Variants in TAF1B observed in about 807,000 individuals in gnomAD.
TAF1B encodes TATA-box binding protein associated factor, RNA polymerase I subunit B.
TAF1B carries 61 observed loss-of-function variants against 83.9 expected under a neutral mutation model. The ratio of observed to expected loss-of-function variants is 0.73; its 90% CI spans 0.59 to 0.90. The LOEUF (loss-of-function observed/expected upper bound fraction) is 0.90, where lower values mean the gene tolerates loss of function less well. Ranked by LOEUF, TAF1B falls within the 40% of genes least tolerant of loss-of-function variation. The pLI, the probability that TAF1B is intolerant of heterozygous loss-of-function variation, is 0.00. For missense variants in TAF1B, 625 were observed against 677.0 expected, an observed-to-expected ratio of 0.92 and a Z score of 0.85; for synonymous variants, 221 against 224.6, an observed-to-expected ratio of 0.98 and a Z score of 0.14.
chr2:9,907,649 T>G (rs1192112235), intron 9 of TAF1B, among the ~76,000 whole-genome samples: 7 of 152,154 alleles, frequency 4.6e-5, no homozygotes, highest in African/African-American at 1.4e-4. Flanking sequence ...GTTCCTCCCA[T>G]TGTCACCCAC....
chr2:9,853,251 TG>T (rs1467962584), intron 4 of TAF1B, among the ~76,000 whole-genome samples: 1 of 152,228 alleles, frequency 6.6e-6, no homozygotes, highest in Non-Finnish European at 1.5e-5. Flanking sequence ...CCTGATCAGT[TG>T]AGTGGCATTA....
At chr2:9,862,520 A>G (rs946855225) in intron 5 of TAF1B, among the ~76,000 whole-genome samples, 2 of 152,224 alleles carry the variant, frequency 1.3e-5, no homozygotes, top group Non-Finnish European at 2.9e-5. Context: ...AAAACACTCT[A>G]CAGGTTGTTA....
Position 9,875,937 on chromosome 2 carries a change from T to G in TAF1B, c.626T>G (p.Met209Arg), listed in dbSNP as rs539814670. The change falls in exon 7 of 15, where the codon ATG becomes AGG. Residue 209 changes from methionine (M) to arginine (R), a missense_variant. Transcript: ENST00000263663. ...SQRKEKGIVK[M>R]TMPQTLAFCY... Reference sequence around the variant, plus strand: ...CGAAAGGAGAAGGGAATCGTGAAGATGACCATGCCACAGACACTTGCCTTC... The same window carrying G: ...CGAAAGGAGAAGGGAATCGTGAAGAGGACCATGCCACAGACACTTGCCTTC... The G allele has an allele frequency of 1.2e-6, 2 of 1,613,840 alleles. No homozygotes were observed. Among genetic ancestry groups the G allele is most frequent in the Non-Finnish European group, 1.7e-6 (2 of 1,179,772 alleles).
intron 6 of TAF1B, among the ~76,000 whole-genome samples, chr2:9,873,193 A>C (rs1267841123): frequency 2.6e-5 from 4 of 152,168 alleles, no homozygotes; most frequent in African/African-American, 9.7e-5. Context: ...ACTGGGACAT[A>C]ATGGTGGCAA....
At chr2:9,885,398 C>T (rs570420526) in intron 8 of TAF1B, among the ~76,000 whole-genome samples, 5 of 152,164 alleles carry the variant, frequency 3.3e-5, no homozygotes, top group Non-Finnish European at 7.4e-5. Flanking sequence ...ATTGATCCTC[C>T]ACATGAAAAA....
chr2:9,900,316 A>T (rs371875860), intron 8 of TAF1B, among the ~76,000 whole-genome samples: 95 of 152,192 alleles, frequency 6.2e-4, no homozygotes, highest in African/African-American at 2.2e-3. Context: ...GGCAAATTGC[A>T]TGACCCTAGG....
Position 9,904,860 on chromosome 2 carries a change from C to A in TAF1B, c.809C>A (p.Ser270Tyr). The change falls in exon 9 of 15, where the codon TCT becomes TAT. Residue 270 changes from serine (S) to tyrosine (Y), a missense_variant and splice_region_variant. Ser to Tyr is a moderately radical substitution (Grantham distance 144). Transcript: ENST00000263663. The part of the protein sequence containing the change: ...GRDRGIFGIE[S>Y]WPDYEDIYKK... ...ATGATGGTCTCTCTTTTATTTCAGT[C>A]TTGGCCTGACTACGAGGACATCTAC... 6.2e-7 allele frequency: 1 copy of A among 1,609,324 alleles called. No individual in the cohort carries two copies. The highest frequency in any genetic ancestry group is 1.1e-5 in the South Asian group (1 of 90,922).
intron 5 of TAF1B, among the ~76,000 whole-genome samples, chr2:9,855,535 A>G (rs1663537190): frequency 6.6e-6 from 1 of 152,066 alleles, no homozygotes. Flanking sequence ...AAAAATACGT[A>G]CTGGGCATGG....
intron 6 of TAF1B, among the ~76,000 whole-genome samples, chr2:9,870,221 C>G (rs1664125123): frequency 6.6e-6 from 1 of 152,152 alleles, no homozygotes. Flanking sequence ...CGGCAGTGGA[C>G]TACACCTATT....
intron 2 of TAF1B, chr2:9,846,172 T>G (rs562682850): frequency 2.1e-6 from 1 of 465,584 alleles, no homozygotes; most frequent in Non-Finnish European, 4.4e-6. Context: ...GTTACCCAAG[T>G]ACCAGGACTT....
At chr2:9,855,195 A>G (rs1460470339) in intron 5 of TAF1B, among the ~76,000 whole-genome samples, 1 of 152,148 alleles carries the variant, frequency 6.6e-6, no homozygotes, top group Non-Finnish European at 1.5e-5. Flanking sequence ...TGGTTTCACC[A>G]TGTTAGCCAG....
At chr2:9,930,759 G>A (rs903971526) in intron 14 of TAF1B, among the ~76,000 whole-genome samples, 20 of 152,188 alleles carry the variant, frequency 1.3e-4, no homozygotes, top group Admixed American at 1.3e-4. Context: ...GTCTAATACT[G>A]ACAGTGGGTT....
chr2:9,926,786 C>T (rs188554591), intron 14 of TAF1B, among the ~76,000 whole-genome samples: 6 of 110,088 alleles, frequency 5.5e-5, no homozygotes, highest in Non-Finnish European at 1.1e-4. Context: ...TTGCAGTCAG[C>T]GGGGTGAGAC....
chr2:9,916,465 T>C (rs1048673310), intron 12 of TAF1B, among the ~76,000 whole-genome samples: 2 of 152,230 alleles, frequency 1.3e-5, no homozygotes, highest in African/African-American at 2.4e-5. Flanking sequence ...ATCATAATGC[T>C]TTCTTGATCT....
intron 5 of TAF1B, 95 bp from the exon 6 acceptor site, chr2:9,868,181 T>G: frequency 7.5e-7 from 1 of 1,337,164 alleles, no homozygotes; most frequent in Non-Finnish European, 1.0e-6. Flanking sequence ...AGTGGTTTCT[T>G]TTAGGGTGTT....
chr2:9,881,083 C>T (rs1447840276), intron 7 of TAF1B, among the ~76,000 whole-genome samples: 2 of 152,008 alleles, frequency 1.3e-5, no homozygotes, highest in Non-Finnish European at 1.5e-5. Context: ...TCTGTAATTC[C>T]AGCACTGTGG....
At chr2:9,863,546 A>G (rs1293689789) in intron 5 of TAF1B, among the ~76,000 whole-genome samples, 1 of 152,218 alleles carries the variant, frequency 6.6e-6, no homozygotes, top group Non-Finnish European at 1.5e-5. Context: ...AATGAGACAG[A>G]AAGTTAACAA....
At chr2:9,904,380 A>C (rs1018511787) in intron 8 of TAF1B, among the ~76,000 whole-genome samples, 1 of 152,192 alleles carries the variant, frequency 6.6e-6, no homozygotes, top group Non-Finnish European at 1.5e-5. Flanking sequence ...TTACTGCATT[A>C]ATTTGCTTAA....
chr2:9,916,644 T>C (rs1282316337), intron 12 of TAF1B, among the ~76,000 whole-genome samples: 3 of 152,122 alleles, frequency 2.0e-5, no homozygotes, highest in African/African-American at 7.2e-5. Flanking sequence ...AGAAAATTAA[T>C]GGCAAAAAAA....
Sources: gnomAD v4.1 joint callset for allele counts (sites outside exome capture counted in the v4.1 genomes callset) on GRCh38, gnomAD v4.1.1 for gene constraint, MANE v1.5 for transcripts, NCBI Gene and HGNC (gene_info 2026-07-23, HGNC 2026-07-21) for gene names.